The following NAA60 variants were observed in gnomAD, a reference collection of about 807,000 sequenced individuals.
NAA60 encodes N-alpha-acetyltransferase 60.
NAA60 carries 8 observed loss-of-function variants against 26.1 expected under a neutral mutation model. That is an observed-to-expected ratio of 0.31 (90% CI 0.18 to 0.55). The LOEUF is 0.55. NAA60 is among the 20% of genes least tolerant of loss of function. The pLI is 0.93. For synonymous variants in NAA60, 131 were observed against 122.5 expected (o/e 1.07, Z -0.46); for missense variants, 290 against 311.3 (o/e 0.93, Z 0.51).
intron 1 of NAA60, 195 bp downstream of exon 1, chr16:3,444,032 C>G: frequency 5.4e-6 from 6 of 1,112,458 alleles, no homozygotes; most frequent in South Asian, 2.6e-5. Flanking sequence ...GGCCAGGTTG[C>G]TGGACTCTGA....
chr16:3,459,696 A>C (rs984926872), intron 2 of NAA60, among the ~76,000 whole-genome samples: 1 of 152,170 alleles, frequency 6.6e-6, no homozygotes, highest in African/African-American at 2.4e-5. Flanking sequence ...TTTACACTGA[A>C]AGTAGCAAAG....
intron 2 of NAA60, among the ~76,000 whole-genome samples, chr16:3,459,045 G>A (rs1005904577): frequency 6.6e-6 from 1 of 152,176 alleles, no homozygotes; most frequent in Non-Finnish European, 1.5e-5. Flanking sequence ...ACTCTGCCAA[G>A]TCCTTGAGGC....
intron 7 of NAA60, 152 bp from the exon 8 acceptor site, chr16:3,485,315 G>A (rs778175312): frequency 3.1e-5 from 16 of 517,644 alleles, no homozygotes; most frequent in Non-Finnish European, 6.0e-5. Flanking sequence ...ACCGAGAGGC[G>A]CCTAGTGGCT....
intron 6 of NAA60, 96 bp from the exon 7 acceptor site, chr16:3,484,603 G>A: frequency 6.8e-7 from 1 of 1,479,904 alleles, no homozygotes; most frequent in Non-Finnish European, 9.1e-7. Flanking sequence ...CTTGCCATCT[G>A]CACACAGTCC....
intron 3 of NAA60, among the ~76,000 whole-genome samples, chr16:3,477,878 A>G (rs1371099819): frequency 6.6e-6 from 1 of 152,226 alleles, no homozygotes; most frequent in Non-Finnish European, 1.5e-5. Context: ...AGCCTGTCCA[A>G]GGTGGTGAAA....
intron 2 of NAA60, among the ~76,000 whole-genome samples, chr16:3,471,736 C>T (rs576782251): frequency 6.6e-6 from 1 of 152,064 alleles, no homozygotes; most frequent in Admixed American, 6.5e-5. Context: ...TTTTTCAGAG[C>T]CAGCTGGCCC....
intron 2 of NAA60, among the ~76,000 whole-genome samples, chr16:3,467,150 C>G (rs72778113): frequency 7.5e-4 from 114 of 152,232 alleles, no homozygotes; most frequent in Non-Finnish European, 1.3e-3. Context: ...TTAGAAGCAG[C>G]GTCTCATGCA....
At position 3,448,895 on chromosome 16, in the gene NAA60, C is replaced by T. The variant is rs115641700; in HGVS notation, c.-7+355C>T. ...TGGAGAACGAGACTCTCCCAGTGTG[C>T]TGCCCTGACCCTCTGAGATTGGTCT... On this transcript the variant is annotated intron_variant, in intron 2 of 7. Transcript: ENST00000407558. 7.9e-3 allele frequency: 1,613 copies of T among 204,170 alleles called. 34 individuals are homozygous for T. The highest frequency in any genetic ancestry group is 0.035 in the African/African-American group (1,505 of 42,744). The allele number at this position is 204,170 out of a possible 1,614,324, so 12.6% of individuals were successfully genotyped here.
In NAA60 at chr16:3,485,639, A is replaced by G. The variant is rs2037113878; in HGVS notation, c.*379A>G. 2 of 456,550 alleles carry G rather than the reference A, an allele frequency of 4.4e-6. No individual in the cohort carries two copies. The highest frequency in any genetic ancestry group is 2.4e-5 in the Admixed American group (1 of 42,550). The allele number at this position is 456,550 out of a possible 1,614,324, so 28.3% of individuals were successfully genotyped here. A position where few individuals can be genotyped will look rare whatever the true frequency, so the allele number is the denominator to read the frequency against. The stretch of plus-strand genomic sequence containing the variant: ...GCCTGTTCTTGCAGCTCCTTCCTGG[A>G]AAGCTGGAGGGGACTTTCTCCTGCA... On this transcript the variant is annotated 3_prime_UTR_variant, in exon 8 of 8. Coordinates refer to ENST00000407558, the MANE Select transcript of NAA60 (RefSeq NM_001083601.3).
chr16:3,468,800 G>A (rs2035929400), intron 2 of NAA60, among the ~76,000 whole-genome samples: 1 of 152,318 alleles, frequency 6.6e-6, no homozygotes, highest in South Asian at 2.1e-4. Flanking sequence ...GAGTGGCCGG[G>A]CTCGGTAGCT....
chr16:3,470,926 T>TG (rs2036094963), intron 2 of NAA60, among the ~76,000 whole-genome samples: 1 of 152,224 alleles, frequency 6.6e-6, no homozygotes, highest in Non-Finnish European at 1.5e-5. Flanking sequence ...GGTGCTGTGA[T>TG]GCATGCTGCA....
intron 2 of NAA60, chr16:3,458,148 C>T: frequency 1.0e-6 from 1 of 985,134 alleles, no homozygotes; most frequent in South Asian, 4.7e-5. Flanking sequence ...CTGAGCCCTA[C>T]AACACCCCCA....
intron 2 of NAA60, among the ~76,000 whole-genome samples, chr16:3,450,808 G>A (rs1422173423): frequency 6.6e-6 from 1 of 152,056 alleles, no homozygotes; most frequent in Non-Finnish European, 1.5e-5. Context: ...ATTCTTCATG[G>A]CATGTGCTCA....
intron 2 of NAA60, 193 bp downstream of exon 2, chr16:3,448,733 C>G: frequency 3.7e-6 from 2 of 540,812 alleles, no homozygotes; most frequent in Non-Finnish European, 6.6e-6. Context: ...TATATTCTTA[C>G]GTTAGGTACA....
chr16:3,484,920 C>T lies in NAA60; in HGVS notation c.*65C>T. ...CGCCCGCAGAGCCCGCCTTCCTGTC[C>T]ATCTGACCCCTTCTGTTTTCTGCAA... On this transcript the variant is annotated 3_prime_UTR_variant, in exon 7 of 8. Transcript: ENST00000407558. 1 of 1,545,722 alleles carries T rather than the reference C, an allele frequency of 6.5e-7. No homozygotes were observed. Among genetic ancestry groups the T allele is most frequent in the Non-Finnish European group, 8.7e-7 (1 of 1,146,610 alleles).
At chr16:3,465,656 T>G (rs551385468) in intron 2 of NAA60, among the ~76,000 whole-genome samples, 21 of 152,178 alleles carry the variant, frequency 1.4e-4, no homozygotes, top group Non-Finnish European at 2.6e-4. Context: ...GATCCCTGCC[T>G]TCTTCTGTGT....
intron 2 of NAA60, among the ~76,000 whole-genome samples, chr16:3,466,784 G>T (rs780467520): frequency 2.0e-4 from 31 of 152,306 alleles, no homozygotes; most frequent in Non-Finnish European, 4.3e-4. Flanking sequence ...ACTGAGATGT[G>T]AGCTGCCTGG....
intron 2 of NAA60, chr16:3,458,032 G>A (rs2035092503): frequency 2.0e-6 from 2 of 985,256 alleles, no homozygotes; most frequent in East Asian, 1.1e-4. Context: ...AGGCGGAAGT[G>A]CCGCGGGCTG....
At chr16:3,443,907 CG>C in intron 1 of NAA60, 70 bp downstream of exon 1, 6 of 1,468,946 alleles carry the variant, frequency 4.1e-6, no homozygotes, top group South Asian at 1.4e-5. Flanking sequence ...ATTGAGAGGG[CG>C]GGGGTTCGGG....
Sources: allele counts gnomAD v4.1 joint callset (sites outside exome capture counted in the v4.1 genomes callset), GRCh38; gene constraint gnomAD v4.1.1; transcripts MANE v1.5; gene names NCBI Gene and HGNC (gene_info 2026-07-23, HGNC 2026-07-21).